Variants in PAQR9 observed in about 807,000 individuals in gnomAD.
PAQR9 encodes the protein progestin and adipoQ receptor family member 9.
PAQR9 carries 12 observed loss-of-function variants against 24.0 expected under a neutral mutation model. That is an observed-to-expected ratio of 0.50 (90% CI 0.32 to 0.81). The LOEUF is 0.81. Ranked by LOEUF, PAQR9 falls within the 30% of genes least tolerant of loss-of-function variation. PAQR9 has a pLI of 0.03. For missense variants in PAQR9, 418 were observed against 520.8 expected, an observed-to-expected ratio of 0.80 and a Z score of 1.92; for synonymous variants, 266 against 237.6, an observed-to-expected ratio of 1.12 and a Z score of -1.10.
At position 142,956,908 on chromosome 3, in the gene PAQR9, G is replaced by A. The variant is rs1016795076; in HGVS notation, c.*5295C>T. ...AATAATTATTCACAATACCGAAGAA[G>A]CCAAATCTTCAATAAGAAAACGTGT... On this transcript the variant is annotated 3_prime_UTR_variant, in exon 1 of 1. Transcript: ENST00000340634. Among the ~76,000 whole-genome samples the A allele has an allele frequency of 3.3e-5, 5 of 152,168 alleles. No individual in the cohort carries two copies. The highest frequency in any genetic ancestry group is 1.2e-4 in the African/African-American group (5 of 41,446).
At position 142,954,983 on chromosome 3, in the gene PAQR9, T is replaced by C. The variant is rs998584068; in HGVS notation, c.*7220A>G. On this transcript the variant is annotated 3_prime_UTR_variant, in exon 1 of 1. Transcript: ENST00000340634. ...TGGAGTAAGGGTAGCCTAAAAAGAA[T>C]GAATCTGGCAAGCAATGGGAAAAAT... Among the ~76,000 whole-genome samples, 2 of 152,154 alleles carry C rather than the reference T, an allele frequency of 1.3e-5. No individual in the cohort carries two copies. Among genetic ancestry groups the C allele is most frequent in the African/African-American group, 2.4e-5 (1 of 41,426 alleles).
In PAQR9 at chr3:142,962,683, G is replaced by A; in HGVS notation, c.654C>T (p.Phe218=). The A allele has an allele frequency of 1.9e-6, 3 of 1,612,650 alleles. No homozygotes were observed. Among genetic ancestry groups the A allele is most frequent in the Non-Finnish European group, 2.5e-6 (3 of 1,179,614 alleles). ...AYRALVLPVA[F]VLAVACTVAC... The stretch of plus-strand genomic sequence containing the variant: ...CCACAGTGCAAGCCACCGCCAGCAC[G>A]AAGGCCACAGGCAGCACCAGGGCGC... Residue 218 remains phenylalanine (F), a synonymous_variant, in exon 1 of 1, where the codon TTC becomes TTT. Coordinates refer to ENST00000340634, the MANE Select transcript of PAQR9 (RefSeq NM_198504.4).
upstream of PAQR9, chr3:142,963,704 G>T (rs1934966318): frequency 1.2e-5 from 9 of 742,928 alleles, no homozygotes; most frequent in Non-Finnish European, 1.5e-5. Context: ...TGCCTCCGCC[G>T]CCGCCGCCCC....
At chr3:142,952,789 A>G, downstream of PAQR9, 1 of 456,696 alleles carries the variant, frequency 2.2e-6, no homozygotes. Flanking sequence ...AGGAAAACTT[A>G]CCTGCCTTCT....
Position 142,954,915 on chromosome 3 carries a change from C to T in PAQR9, c.*7288G>A, listed in dbSNP as rs552103316. 2.7e-4 allele frequency among the ~76,000 whole-genome samples: 41 copies of T among 152,258 alleles called. No homozygotes were observed. The South Asian group carries it at 8.3e-3, about 31-fold the overall frequency. ...AAGCTCACGTATCCTGAGAATGCCTCTCTTGCTAGCTAAATACAGTTCTTT... is the reference window on the plus strand; with the variant it reads ...AAGCTCACGTATCCTGAGAATGCCTTTCTTGCTAGCTAAATACAGTTCTTT... On this transcript the variant is annotated 3_prime_UTR_variant, in exon 1 of 1. Coordinates refer to ENST00000340634, the MANE Select transcript of PAQR9 (RefSeq NM_198504.4).
chr3:142,958,935 GT>G lies in PAQR9; in HGVS notation c.*3267del, dbSNP rs772200163. ...GGAACCCCATTAGCCAACTAAGTCAGTCTGAGTCAGCCCCAGAGACCAACCC... is the reference window on the plus strand; with the variant it reads ...GGAACCCCATTAGCCAACTAAGTCAGCTGAGTCAGCCCCAGAGACCAACCC... On this transcript the variant is annotated 3_prime_UTR_variant, in exon 1 of 1. Coordinates refer to ENST00000340634, the MANE Select transcript of PAQR9 (RefSeq NM_198504.4). 4.6e-5 allele frequency among the ~76,000 whole-genome samples: 7 copies of G among 151,500 alleles called. No individual in the cohort carries two copies. The East Asian group carries it at 1.2e-3, about 25-fold the overall frequency.
At position 142,962,886 on chromosome 3, in the gene PAQR9, C is replaced by G; in HGVS notation, c.451G>C (p.Ala151Pro). 1 of 1,613,690 alleles carries G rather than the reference C, an allele frequency of 6.2e-7. No homozygotes were observed. Among genetic ancestry groups the G allele is most frequent in the South Asian group, 1.1e-5 (1 of 91,072 alleles). Residue 151 changes from alanine (A) to proline (P), a missense_variant, in exon 1 of 1, where the codon GCC becomes CCC. Ala to Pro is a conservative substitution (Grantham distance 27). Transcript: ENST00000340634. ...VFSCLSLRLR[A>P]AFFYLDYASI... ...GCGTAGTCCAGGTAGAAGAAGGCGG[C>G]GCGCAGACGCAGCGACAGGCAGCTG...
downstream of PAQR9, chr3:142,952,963 C>G (rs1271921930): frequency 2.2e-6 from 1 of 446,628 alleles, no homozygotes; most frequent in Non-Finnish European, 4.5e-6. Flanking sequence ...TTGGCACAGG[C>G]TCAAGAGATA....
At position 142,962,756 on chromosome 3, in the gene PAQR9, TG is replaced by T; in HGVS notation, c.580del (p.Gln194SerfsTer99). Reference sequence around the variant, plus strand: ...GCAGTCCACGTGCCAGCCCAGGCGCTGCTGCAAGTATGGAGTCATGACTCTG... The same window carrying T: ...GCAGTCCACGTGCCAGCCCAGGCGCTCTGCAAGTATGGAGTCATGACTCTG... Reference protein sequence around the residue: ...DARVMTPYLQQRLGWHVDCTR... With the variant: ...DARVMTPYLQXRLGWHVDCTR... On this transcript the variant is annotated frameshift_variant, in exon 1 of 1. Coordinates refer to ENST00000340634, the MANE Select transcript of PAQR9 (RefSeq NM_198504.4). LOFTEE classifies it high-confidence loss of function. The T allele has an allele frequency of 6.2e-7, 1 of 1,612,626 alleles. No homozygotes were observed. Among genetic ancestry groups the T allele is most frequent in the Non-Finnish European group, 8.5e-7 (1 of 1,179,702 alleles).
chr3:142,950,524 T>C, downstream of PAQR9: 1 of 434,688 alleles, frequency 2.3e-6, no homozygotes, highest in South Asian at 1.6e-5. Flanking sequence ...TGGAAACTCT[T>C]AAGTCCTCAG....
downstream of PAQR9, chr3:142,951,568 G>A (rs892412975): frequency 1.3e-5 from 5 of 391,386 alleles, no homozygotes; most frequent in African/African-American, 1.0e-4. Context: ...GCTAGTTGGT[G>A]CTAAAGGGGA....
At position 142,957,698 on chromosome 3, in the gene PAQR9, T is replaced by C. The variant is rs188091972; in HGVS notation, c.*4505A>G. ...ATCTTCCAATAGTTATCGTTATTAG[T>C]GTTTTCATAATATTAGTGATAAGTT... On this transcript the variant is annotated 3_prime_UTR_variant, in exon 1 of 1. Transcript: ENST00000340634. Among the ~76,000 whole-genome samples the C allele has an allele frequency of 1.6e-4, 24 of 152,338 alleles. 1 individual carries two copies. The highest frequency in any genetic ancestry group is 1.0e-3 in the Admixed American group (16 of 15,302).
chr3:142,956,966 C>T lies in PAQR9; in HGVS notation c.*5237G>A, dbSNP rs551054481. The stretch of plus-strand genomic sequence containing the variant: ...CACAAAAGAACACAGTAGTGCTCAG[C>T]TCCAACCACTGAATGCTTCCTTTTT... On this transcript the variant is annotated 3_prime_UTR_variant, in exon 1 of 1. Coordinates refer to ENST00000340634, the MANE Select transcript of PAQR9 (RefSeq NM_198504.4). Among the ~76,000 whole-genome samples, 128 of 152,330 alleles carry T rather than the reference C, an allele frequency of 8.4e-4. No homozygotes were observed. The highest frequency in any genetic ancestry group is 3.0e-3 in the African/African-American group (124 of 41,584).
At position 142,962,829 on chromosome 3, in the gene PAQR9, C is replaced by T; in HGVS notation, c.508G>A (p.Val170Met). The change falls in exon 1 of 1, where the codon GTG becomes ATG. Residue 170 changes from valine (V) to methionine (M), a missense_variant. Transcript: ENST00000340634. ...GGCAACAGGTAGTAGTAGTAGGCCACCGTGCTGCCGAAGCCGTAGTAGCTG... is the reference window on the plus strand; with the variant it reads ...GGCAACAGGTAGTAGTAGTAGGCCATCGTGCTGCCGAAGCCGTAGTAGCTG... The part of the protein sequence containing the change: ...SISYYGFGST[V>M]AYYYYLLPGL... 1.9e-6 allele frequency: 3 copies of T among 1,613,080 alleles called. No individual in the cohort carries two copies. The highest frequency in any genetic ancestry group is 2.5e-6 in the Non-Finnish European group (3 of 1,179,882).
In PAQR9 at chr3:142,958,062, A is replaced by C. The variant is rs1236056385; in HGVS notation, c.*4141T>G. Among the ~76,000 whole-genome samples, 2 of 152,194 alleles carry C rather than the reference A, an allele frequency of 1.3e-5. No homozygotes were observed. The highest frequency in any genetic ancestry group is 4.8e-5 in the African/African-American group (2 of 41,448). ...GATGGGTCCTTGCCCAATGTCTTAC[A>C]CACAGTAGGTGCTCAAAGATCATGA... On this transcript the variant is annotated 3_prime_UTR_variant, in exon 1 of 1. Transcript: ENST00000340634.
chr3:142,962,853 T>C lies in PAQR9; in HGVS notation c.484A>G (p.Ser162Gly). 6.2e-7 allele frequency: 1 copy of C among 1,613,520 alleles called. No individual in the cohort carries two copies. Among genetic ancestry groups the C allele is most frequent in the Non-Finnish European group, 8.5e-7 (1 of 1,179,972 alleles). Residue 162 changes from serine to glycine, a missense_variant, in exon 1 of 1, where the codon AGC becomes GGC. By Grantham distance (56) the Ser-to-Gly change is moderately conservative (BLOSUM62 0). Coordinates refer to ENST00000340634, the MANE Select transcript of PAQR9 (RefSeq NM_198504.4). ...AFFYLDYASI[S>G]YYGFGSTVAY... ...ACCGTGCTGCCGAAGCCGTAGTAGC[T>C]GATGGACGCGTAGTCCAGGTAGAAG...
rs1461328489 is a variant in PAQR9, at chr3:142,960,154, C to A, written c.*2049G>T. Among the ~76,000 whole-genome samples, 1 of 152,190 alleles carries A rather than the reference C, an allele frequency of 6.6e-6. No individual in the cohort carries two copies. Among genetic ancestry groups the A allele is most frequent in the Admixed American group, 6.5e-5 (1 of 15,270 alleles). On this transcript the variant is annotated 3_prime_UTR_variant, in exon 1 of 1. Transcript: ENST00000340634. ...GTATTTACAATCTCAGTAAGAGATT[C>A]TAAATTAAATATAGACATATATAAA...
chr3:142,958,061 C>T lies in PAQR9; in HGVS notation c.*4142G>A, dbSNP rs1175742219. Among the ~76,000 whole-genome samples the T allele has an allele frequency of 1.3e-5, 2 of 152,188 alleles. No individual in the cohort carries two copies. Among genetic ancestry groups the T allele is most frequent in the Non-Finnish European group, 2.9e-5 (2 of 68,034 alleles). ...GGATGGGTCCTTGCCCAATGTCTTA[C>T]ACACAGTAGGTGCTCAAAGATCATG... On this transcript the variant is annotated 3_prime_UTR_variant, in exon 1 of 1. Coordinates refer to ENST00000340634, the MANE Select transcript of PAQR9 (RefSeq NM_198504.4).
At chr3:142,952,910 G>A (rs1934737577), downstream of PAQR9, 3 of 455,234 alleles carry the variant, frequency 6.6e-6, no homozygotes, top group Admixed American at 4.7e-5. Context: ...AGCAGATGAA[G>A]GGAAGTATGG....
Sources: allele counts gnomAD v4.1 joint callset (sites outside exome capture counted in the v4.1 genomes callset), GRCh38; gene constraint gnomAD v4.1.1; transcripts MANE v1.5; gene names NCBI Gene and HGNC (gene_info 2026-07-23, HGNC 2026-07-21).